Variants in PLXDC2 observed in about 807,000 individuals in gnomAD.
PLXDC2 encodes plexin domain containing 2.
Under a neutral mutation model 68.9 loss-of-function variants are expected in PLXDC2, and 40 were observed. The ratio of observed to expected loss-of-function variants is 0.58; its 90% CI spans 0.45 to 0.76. The LOEUF (loss-of-function observed/expected upper bound fraction) is 0.76. PLXDC2 is among the 30% of genes least tolerant of loss of function. The pLI is 0.00. For missense variants in PLXDC2, 644 were observed against 661.9 expected (o/e 0.97, Z 0.30); for synonymous variants, 243 against 234.2 (o/e 1.04, Z -0.34).
At chr10:19,909,366 C>G (rs760677567) in intron 1 of PLXDC2, among the ~76,000 whole-genome samples, 4 of 152,090 alleles carry the variant, frequency 2.6e-5, no homozygotes, top group Admixed American at 2.6e-4. Flanking sequence ...GAATTTATCC[C>G]GGAGACATAC....
In PLXDC2 at chr10:20,060,539, G is replaced by A. The variant is rs549190631; in HGVS notation, c.472-7631G>A. 6.6e-5 allele frequency among the ~76,000 whole-genome samples: 10 copies of A among 150,382 alleles called. No individual in the cohort carries two copies. The East Asian group carries it at 1.2e-3, about 18-fold the overall frequency. ...ATTGAGGCTGGGCTGGTCGCTGGGCGAGCAGGGGCCCCCTGTTGTGCCTAG... is the reference window on the plus strand; with the variant it reads ...ATTGAGGCTGGGCTGGTCGCTGGGCAAGCAGGGGCCCCCTGTTGTGCCTAG... On this transcript the variant is annotated intron_variant, in intron 3 of 13. Transcript: ENST00000377252.
At chr10:19,997,765 A>T (rs1314330151) in intron 1 of PLXDC2, among the ~76,000 whole-genome samples, 1 of 152,168 alleles carries the variant, frequency 6.6e-6, no homozygotes, top group African/African-American at 2.4e-5. Flanking sequence ...ATACACATGA[A>T]TTTCCTGTTC....
intron 13 of PLXDC2, among the ~76,000 whole-genome samples, chr10:20,253,370 G>GATAATA (rs3051539): frequency 0.026 from 3,728 of 145,538 alleles, 145 homozygotes; most frequent in African/African-American, 0.084. Flanking sequence ...GTCTCAAAAT[G>GATAATA]ATAATAATAA....
chr10:20,159,844 T>G (rs887327625), intron 6 of PLXDC2, among the ~76,000 whole-genome samples: 2 of 152,212 alleles, frequency 1.3e-5, no homozygotes, highest in African/African-American at 2.4e-5. Context: ...TGACAGATTT[T>G]CTTACTTCCT....
intron 4 of PLXDC2, among the ~76,000 whole-genome samples, chr10:20,119,301 G>A (rs1279792891): frequency 6.6e-6 from 1 of 151,936 alleles, no homozygotes; most frequent in Non-Finnish European, 1.5e-5. Flanking sequence ...TCCGAAAAGA[G>A]AGTCAGCGAA....
At chr10:20,029,582 A>G (rs2131666053) in intron 2 of PLXDC2, among the ~76,000 whole-genome samples, 1 of 151,326 alleles carries the variant, frequency 6.6e-6, no homozygotes, top group South Asian at 2.1e-4. Context: ...AGAACCAAAA[A>G]AATAAAAAAT....
chr10:20,080,332 C>T lies in PLXDC2; in HGVS notation c.541+12093C>T, dbSNP rs367952078. On this transcript the variant is annotated intron_variant, in intron 4 of 13. Coordinates refer to ENST00000377252, the MANE Select transcript of PLXDC2 (RefSeq NM_032812.9). Reference sequence around the variant, plus strand: ...GAGTTTATCAAGGAGTATTGACTCACATGATCAAAAGGCGAAGTCCCCCAA... The same window carrying T: ...GAGTTTATCAAGGAGTATTGACTCATATGATCAAAAGGCGAAGTCCCCCAA... Among the ~76,000 whole-genome samples the T allele has an allele frequency of 1.2e-3, 184 of 151,394 alleles. 1 individual carries two copies. The highest frequency in any genetic ancestry group is 4.1e-3 in the African/African-American group (169 of 40,994).
chr10:20,232,947 G>A (rs866771955), intron 12 of PLXDC2, among the ~76,000 whole-genome samples: 80 of 152,106 alleles, frequency 5.3e-4, no homozygotes, highest in African/African-American at 1.7e-3. Flanking sequence ...CATAAACTAG[G>A]CATAGTTTTT....
At chr10:19,931,185 G>A (rs777808760) in intron 1 of PLXDC2, among the ~76,000 whole-genome samples, 5 of 152,194 alleles carry the variant, frequency 3.3e-5, no homozygotes, top group Non-Finnish European at 5.9e-5. Context: ...GGTTTTCAAG[G>A]CATGATCGGT....
intron 13 of PLXDC2, among the ~76,000 whole-genome samples, chr10:20,246,073 G>C (rs1835591217): frequency 6.6e-6 from 1 of 152,204 alleles, no homozygotes; most frequent in Admixed American, 6.5e-5. Flanking sequence ...TAAATGCAGA[G>C]AGACGCATAT....
chr10:20,064,837 C>T (rs1000030475), intron 3 of PLXDC2, among the ~76,000 whole-genome samples: 1 of 152,162 alleles, frequency 6.6e-6, no homozygotes, highest in African/African-American at 2.4e-5. Flanking sequence ...GTCCCAGCCT[C>T]CTGACCTCCA....
chr10:20,148,342 T>A (rs1299279180), intron 6 of PLXDC2, among the ~76,000 whole-genome samples: 2 of 152,032 alleles, frequency 1.3e-5, no homozygotes, highest in Admixed American at 6.6e-5. Context: ...ACACGAAAAC[T>A]TATGTGGCTC....
chr10:20,230,307 T>G (rs1425652632), intron 12 of PLXDC2, among the ~76,000 whole-genome samples: 1 of 152,120 alleles, frequency 6.6e-6, no homozygotes, highest in African/African-American at 2.4e-5. Flanking sequence ...AATGCCTATA[T>G]AAATATCAAA....
At chr10:20,150,667 TCA>T (rs1246539068) in intron 6 of PLXDC2, among the ~76,000 whole-genome samples, 2 of 152,180 alleles carry the variant, frequency 1.3e-5, no homozygotes, top group African/African-American at 2.4e-5. Flanking sequence ...AGACGCAAGG[TCA>T]GTAAGTTTGG....
intron 1 of PLXDC2, among the ~76,000 whole-genome samples, chr10:19,966,370 A>AAAAATATATATGTGAACATATAT (rs1834254000): frequency 1.5e-5 from 2 of 133,478 alleles, no homozygotes; most frequent in Non-Finnish European, 3.3e-5. Flanking sequence ...CACATATATA[A>AAAAATATATATGTGAACATATAT]AAAATATATA....
chr10:20,190,680 A>G (rs1834753543), intron 9 of PLXDC2, among the ~76,000 whole-genome samples: 1 of 151,734 alleles, frequency 6.6e-6, no homozygotes, highest in African/African-American at 2.4e-5. Context: ...AAAAGCTGAT[A>G]TGATGGTAAA....
intron 2 of PLXDC2, among the ~76,000 whole-genome samples, chr10:20,033,524 C>G (rs919880920): frequency 6.6e-6 from 1 of 152,108 alleles, no homozygotes; most frequent in Non-Finnish European, 1.5e-5. Context: ...GGAAAGAGTT[C>G]CACATGGCTG....
intron 1 of PLXDC2, among the ~76,000 whole-genome samples, chr10:19,973,871 A>G (rs1834403006): frequency 6.6e-6 from 1 of 152,226 alleles, no homozygotes; most frequent in Non-Finnish European, 1.5e-5. Context: ...AATGAATGGA[A>G]GTGTATAAAC....
intron 2 of PLXDC2, among the ~76,000 whole-genome samples, chr10:20,023,637 G>C (rs1216429452): frequency 5.9e-5 from 9 of 151,984 alleles, no homozygotes; most frequent in African/African-American, 1.9e-4. Flanking sequence ...CCAGTATCTA[G>C]AATCATGAGC....
Sources: allele counts gnomAD v4.1 joint callset (sites outside exome capture counted in the v4.1 genomes callset), GRCh38; gene constraint gnomAD v4.1.1; transcripts MANE v1.5; gene names NCBI Gene and HGNC (gene_info 2026-07-23, HGNC 2026-07-21).